The following RORA variants were observed in gnomAD, a reference collection of about 807,000 sequenced individuals.
RORA encodes nuclear receptor ROR-alpha.
RORA carries 7 observed loss-of-function variants against 69.5 expected under a neutral mutation model. The observed-to-expected ratio is 0.10, with a 90% confidence interval of 0.06 to 0.19. RORA has a LOEUF of 0.19. RORA is among the 10% of genes least tolerant of loss of function. RORA has a pLI of 1.00. For missense variants in RORA, 457 were observed against 663.0 expected (o/e 0.69, Z 3.41); for synonymous variants, 261 against 240.8 (o/e 1.08, Z -0.78).
intron 1 of RORA, among the ~76,000 whole-genome samples, chr15:60,739,646 T>TG (rs1403439955): frequency 2.6e-5 from 4 of 152,122 alleles, no homozygotes; most frequent in Admixed American, 6.5e-5. Flanking sequence ...CAACTCAGTC[T>TG]GGGGGAAGGT....
intron 1 of RORA, among the ~76,000 whole-genome samples, chr15:61,049,641 A>C (rs1444161623): frequency 6.6e-6 from 1 of 152,088 alleles, no homozygotes; most frequent in Non-Finnish European, 1.5e-5. Flanking sequence ...ACAAAGCTAC[A>C]GGTACTTCTT....
chr15:61,223,128 A>C (rs1567044035), intron 1 of RORA, among the ~76,000 whole-genome samples: 1 of 152,072 alleles, frequency 6.6e-6, no homozygotes, highest in Non-Finnish European at 1.5e-5. Flanking sequence ...AGCCTGGGCA[A>C]CATGGTGAAA....
At chr15:61,098,494 T>C (rs1208230826) in intron 1 of RORA, among the ~76,000 whole-genome samples, 1 of 152,000 alleles carries the variant, frequency 6.6e-6, no homozygotes, top group African/African-American at 2.4e-5. Flanking sequence ...GCACATGCCA[T>C]CATGCCCAGC....
chr15:61,156,003 T>C lies in RORA; in HGVS notation c.166+73050A>G, dbSNP rs116841680. Among the ~76,000 whole-genome samples, 195 of 152,306 alleles carry C rather than the reference T, an allele frequency of 1.3e-3. 8 individuals carry two copies. In the East Asian group the frequency reaches 0.031, roughly 24 times the overall value. On this transcript the variant is annotated intron_variant, in intron 1 of 10. Transcript: ENST00000335670. ...TCTCAGAACCCAACAGGCTGGGTGT[T>C]AATCCAGCTGTAACCATTCACTCTC...
chr15:60,574,615 A>G (rs1272504180), intron 2 of RORA, among the ~76,000 whole-genome samples: 2 of 152,212 alleles, frequency 1.3e-5, no homozygotes, highest in Non-Finnish European at 2.9e-5. Flanking sequence ...TGGGGATGTT[A>G]ATAACAACAC....
intron 2 of RORA, among the ~76,000 whole-genome samples, chr15:60,620,274 C>T (rs2069369583): frequency 6.6e-6 from 1 of 152,090 alleles, no homozygotes; most frequent in Non-Finnish European, 1.5e-5. Flanking sequence ...GGGAAAAAGA[C>T]CTCATGGTAT....
intron 1 of RORA, among the ~76,000 whole-genome samples, chr15:61,166,684 G>A (rs979314884): frequency 2.0e-5 from 3 of 151,912 alleles, no homozygotes; most frequent in Admixed American, 1.3e-4. Context: ...AGTCACAGAG[G>A]GAGTCTCCCT....
intron 1 of RORA, among the ~76,000 whole-genome samples, chr15:60,994,897 A>G (rs1393207919): frequency 2.0e-5 from 3 of 152,134 alleles, no homozygotes; most frequent in Non-Finnish European, 4.4e-5. Context: ...TGGATATTCT[A>G]TTGGGGCATT....
At chr15:60,591,801 A>C (rs934077490) in intron 2 of RORA, among the ~76,000 whole-genome samples, 38 of 151,916 alleles carry the variant, frequency 2.5e-4, no homozygotes, top group African/African-American at 8.9e-4. Flanking sequence ...GCGGCGGGAC[A>C]CAGCGCGGGA....
chr15:60,985,582 C>CTTTTTTTTTTT lies in RORA; in HGVS notation c.166+243460_166+243470dup, dbSNP rs11451387. ...TTGTGCTAGGTAAGAAACTCATCCT[C>CTTTTTTTTTTT]TTTTTTTTTTTTTTTTTTTTTGAGA... On this transcript the variant is annotated intron_variant, in intron 1 of 10. Coordinates refer to ENST00000335670, the MANE Select transcript of RORA (RefSeq NM_134261.3). Among the ~76,000 whole-genome samples the CTTTTTTTTTTT allele has an allele frequency of 1.9e-4, 19 of 100,848 alleles. 3 individuals carry two copies. The highest frequency in any genetic ancestry group is 4.1e-4 in the African/African-American group (10 of 24,366). 66.2% of individuals were successfully genotyped at this position (100,848 alleles called of 152,430 possible).
chr15:60,737,222 C>T lies in RORA; in HGVS notation c.167-58536G>A, dbSNP rs141981846. 5.4e-3 allele frequency among the ~76,000 whole-genome samples: 817 copies of T among 152,268 alleles called. 6 individuals are homozygous for T. The highest frequency in any genetic ancestry group is 0.018 in the African/African-American group (743 of 41,544). Reference sequence around the variant, plus strand: ...TGTTGTCACTGCTGTTGGACGGTCTCGTGGTCCAACTGCACACAGCCCTTC... The same window carrying T: ...TGTTGTCACTGCTGTTGGACGGTCTTGTGGTCCAACTGCACACAGCCCTTC... On this transcript the variant is annotated intron_variant, in intron 1 of 10. Transcript: ENST00000335670.
At chr15:61,182,903 C>A (rs1044663377) in intron 1 of RORA, 1 of 152,312 alleles carries the variant, frequency 6.6e-6, no homozygotes, top group East Asian at 1.9e-4. Flanking sequence ...ATTGGGGGGC[C>A]TTCTATAACG....
At chr15:60,868,447 T>A (rs1327329029) in intron 1 of RORA, among the ~76,000 whole-genome samples, 3 of 152,202 alleles carry the variant, frequency 2.0e-5, no homozygotes, top group Admixed American at 6.5e-5. Flanking sequence ...TGAGGACTTG[T>A]GCATTGAAAG....
chr15:60,814,800 T>C (rs2140370906), intron 1 of RORA, among the ~76,000 whole-genome samples: 1 of 152,314 alleles, frequency 6.6e-6, no homozygotes. Flanking sequence ...AGCTTCTCTC[T>C]GTGCATAAAG....
intron 2 of RORA, chr15:60,548,012 G>A (rs1383477989): frequency 1.3e-5 from 2 of 152,110 alleles, no homozygotes; most frequent in African/African-American, 2.4e-5. Flanking sequence ...TGTTCAATTA[G>A]GGCAGACTTT....
intron 2 of RORA, among the ~76,000 whole-genome samples, chr15:60,669,983 C>A (rs1382677076): frequency 6.6e-6 from 1 of 152,120 alleles, no homozygotes; most frequent in Non-Finnish European, 1.5e-5. Context: ...AAATATCAAG[C>A]TAAGAAAATC....
At chr15:61,178,955 C>G (rs778055246) in intron 1 of RORA, among the ~76,000 whole-genome samples, 2 of 152,170 alleles carry the variant, frequency 1.3e-5, no homozygotes, top group African/African-American at 2.4e-5. Context: ...CATCTACATA[C>G]TTTTTCCTTT....
chr15:60,560,819 A>C (rs2067516671), intron 2 of RORA, among the ~76,000 whole-genome samples: 1 of 152,222 alleles, frequency 6.6e-6, no homozygotes, highest in Non-Finnish European at 1.5e-5. Context: ...TTTTACGCTA[A>C]ATTTTTTTTA....
At chr15:61,069,150 A>T (rs1307497296) in intron 1 of RORA, among the ~76,000 whole-genome samples, 2 of 152,250 alleles carry the variant, frequency 1.3e-5, no homozygotes, top group African/African-American at 4.8e-5. Context: ...CTGATAATTT[A>T]AAAAGAAGAT....
Sources: gnomAD v4.1 joint callset for allele counts (sites outside exome capture counted in the v4.1 genomes callset) on GRCh38, gnomAD v4.1.1 for gene constraint, MANE v1.5 for transcripts, NCBI Gene and HGNC (gene_info 2026-07-23, HGNC 2026-07-21) for gene names.